The following ITGA9 variants were observed in gnomAD, a reference collection of about 807,000 sequenced individuals.
The protein encoded by ITGA9 is integrin alpha-9.
In ITGA9, 56 loss-of-function variants were observed where a neutral mutation model predicts 127.8. The observed-to-expected ratio is 0.44, with a 90% CI of 0.35 to 0.55. ITGA9 has a LOEUF of 0.55. Among genes scored for constraint, ITGA9 ranks in the 20% least tolerant of loss-of-function variants. The pLI is 0.00. For synonymous variants in ITGA9, 508 were observed against 514.5 expected (o/e 0.99, Z 0.17); for missense variants, 1,196 against 1,347.1 (o/e 0.89, Z 1.76).
chr3:37,815,927 A>AG, intron 27 of ITGA9, among the ~76,000 whole-genome samples: 1 of 152,094 alleles, frequency 6.6e-6, no homozygotes, highest in Non-Finnish European at 1.5e-5. Context: ...TTCAAAAAAA[A>AG]CTGGTCTCTT....
chr3:37,554,540 G>C (rs1699411115), intron 15 of ITGA9, among the ~76,000 whole-genome samples: 1 of 152,066 alleles, frequency 6.6e-6, no homozygotes, highest in South Asian at 2.1e-4. Flanking sequence ...GCCCCTGCTG[G>C]CGGCTATGTT....
intron 22 of ITGA9, among the ~76,000 whole-genome samples, chr3:37,747,497 T>A (rs1696516244): frequency 6.6e-6 from 1 of 152,126 alleles, no homozygotes. Flanking sequence ...ATTCTTTCAA[T>A]TTTTTTAATC....
chr3:37,564,704 A>ATAT (rs1699528368), intron 15 of ITGA9, among the ~76,000 whole-genome samples: 1 of 152,200 alleles, frequency 6.6e-6, no homozygotes, highest in South Asian at 2.1e-4. Flanking sequence ...TTCAACAGGC[A>ATAT]CCTGTTGAAT....
At chr3:37,454,408 T>C (rs1399854878) in intron 1 of ITGA9, among the ~76,000 whole-genome samples, 1 of 152,214 alleles carries the variant, frequency 6.6e-6, no homozygotes, top group Admixed American at 6.5e-5. Context: ...ATTTGGCCAG[T>C]GTGGGAAAAG....
intron 17 of ITGA9, among the ~76,000 whole-genome samples, chr3:37,656,013 G>A (rs369194804): frequency 6.0e-4 from 92 of 152,242 alleles, no homozygotes; most frequent in African/African-American, 2.0e-3. Context: ...TAGATGTGTG[G>A]TGTTATTTCT....
intron 27 of ITGA9, chr3:37,807,063 C>T (rs571263336): frequency 6.6e-6 from 1 of 152,392 alleles, no homozygotes; most frequent in South Asian, 2.1e-4. Flanking sequence ...CTCCCTTGCC[C>T]CCAAGGAGGA....
At chr3:37,526,140 A>T (rs1699091024) in intron 13 of ITGA9, 69 bp downstream of exon 13, 1 of 1,323,190 alleles carries the variant, frequency 7.6e-7, no homozygotes, top group Non-Finnish European at 1.1e-6. Flanking sequence ...TTCACCATTC[A>T]TGGGCTCTTT....
intron 27 of ITGA9, among the ~76,000 whole-genome samples, chr3:37,805,272 C>G (rs993317015): frequency 6.6e-6 from 1 of 152,144 alleles, no homozygotes; most frequent in African/African-American, 2.4e-5. Context: ...TGGTCCTGAA[C>G]TCCTGGCCTC....
intron 2 of ITGA9, among the ~76,000 whole-genome samples, chr3:37,472,015 C>G (rs1204413556): frequency 6.6e-6 from 1 of 152,146 alleles, no homozygotes; most frequent in Non-Finnish European, 1.5e-5. Flanking sequence ...GATTGTGCCA[C>G]TGCACTCCAG....
At chr3:37,482,008 T>C (rs1395318512) in intron 4 of ITGA9, among the ~76,000 whole-genome samples, 1 of 152,202 alleles carries the variant, frequency 6.6e-6, no homozygotes, top group Non-Finnish European at 1.5e-5. Context: ...TGTCCGAATA[T>C]TCAGTGGTTG....
intron 9 of ITGA9, among the ~76,000 whole-genome samples, chr3:37,515,610 T>A (rs1396569551): frequency 6.6e-6 from 1 of 152,164 alleles, no homozygotes; most frequent in Non-Finnish European, 1.5e-5. Context: ...GGTGTGGTGG[T>A]GCTTGCCTGT....
intron 5 of ITGA9, among the ~76,000 whole-genome samples, chr3:37,499,173 G>A (rs995735959): frequency 5.9e-5 from 9 of 152,344 alleles, no homozygotes; most frequent in Non-Finnish European, 1.0e-4. Context: ...TTTTGTAGAT[G>A]AGGCTAACAG....
rs766844728 is a variant in ITGA9, at chr3:37,649,266, A to G, written c.1840-4448A>G. On this transcript the variant is annotated intron_variant, in intron 16 of 27. Coordinates refer to ENST00000264741, the MANE Select transcript of ITGA9 (RefSeq NM_002207.3). Reference sequence around the variant, plus strand: ...ATGTAAAAAGACTAACCTTCCCAATAAAAAGATACAGCATGACTGAATAGA... The same window carrying G: ...ATGTAAAAAGACTAACCTTCCCAATGAAAAGATACAGCATGACTGAATAGA... Among the ~76,000 whole-genome samples, 189 of 152,166 alleles carry G rather than the reference A, an allele frequency of 1.2e-3. 1 individual carries two copies. The highest frequency in any genetic ancestry group is 1.9e-3 in the Non-Finnish European group (132 of 68,028).
At chr3:37,554,516 T>C (rs73824809) in intron 15 of ITGA9, among the ~76,000 whole-genome samples, 2 of 152,190 alleles carry the variant, frequency 1.3e-5, no homozygotes, top group African/African-American at 4.8e-5. Flanking sequence ...CTGGCCTGCC[T>C]TCCATTTTTA....
rs556318247 is a variant in ITGA9 at position 37,798,128 on chromosome 3, C to T, written c.2890-5695C>T. 7.2e-5 allele frequency among the ~76,000 whole-genome samples: 11 copies of T among 152,232 alleles called. No individual in the cohort carries two copies. In the East Asian group the frequency reaches 1.4e-3, roughly 19 times the overall value. ...GCCTCAGCTCCCCAAATAGCTGGGACGACAGTTGCATGCCACCATGCCCAG... is the reference window on the plus strand; with the variant it reads ...GCCTCAGCTCCCCAAATAGCTGGGATGACAGTTGCATGCCACCATGCCCAG... On this transcript the variant is annotated intron_variant, in intron 26 of 27. Coordinates refer to ENST00000264741, the MANE Select transcript of ITGA9 (RefSeq NM_002207.3).
Position 37,792,878 on chromosome 3 carries a change from A to T in ITGA9, c.2889+7800A>T, listed in dbSNP as rs116933157. 8.5e-4 allele frequency among the ~76,000 whole-genome samples: 129 copies of T among 152,208 alleles called. 1 individual carries two copies. The East Asian group carries it at 0.023, about 27-fold the overall frequency. Reference sequence around the variant, plus strand: ...CAGTGAAGGTGCGGTGACCGGTGCCACTCACACGTAAGGAATGCTTATCCT... The same window carrying T: ...CAGTGAAGGTGCGGTGACCGGTGCCTCTCACACGTAAGGAATGCTTATCCT... On this transcript the variant is annotated intron_variant, in intron 26 of 27. Coordinates refer to ENST00000264741, the MANE Select transcript of ITGA9 (RefSeq NM_002207.3).
At chr3:37,810,139 G>GC (rs1320043616) in intron 27 of ITGA9, among the ~76,000 whole-genome samples, 3 of 152,172 alleles carry the variant, frequency 2.0e-5, no homozygotes, top group Non-Finnish European at 4.4e-5. Flanking sequence ...TCTTGGCATT[G>GC]CTACCTATGG....
chr3:37,667,857 T>C (rs1393561021), intron 17 of ITGA9, among the ~76,000 whole-genome samples: 1 of 152,206 alleles, frequency 6.6e-6, no homozygotes, highest in Non-Finnish European at 1.5e-5. Flanking sequence ...CCTGATATTC[T>C]AGCAATTTGA....
chr3:37,596,945 A>G (rs889930857), intron 15 of ITGA9, among the ~76,000 whole-genome samples: 2 of 152,208 alleles, frequency 1.3e-5, no homozygotes, highest in Non-Finnish European at 2.9e-5. Context: ...CAAAGACACC[A>G]GTTCCAACTA....
Sources: gnomAD v4.1 joint callset for allele counts (sites outside exome capture counted in the v4.1 genomes callset) on GRCh38, gnomAD v4.1.1 for gene constraint, MANE v1.5 for transcripts, NCBI Gene and HGNC (gene_info 2026-07-23, HGNC 2026-07-21) for gene names.